CENPN: variants seen among roughly 807,000 people sequenced by gnomAD.
The protein encoded by CENPN is centromere protein N.
CENPN carries 36 observed loss-of-function variants against 48.6 expected under a neutral mutation model. The ratio of observed to expected loss-of-function variants is 0.74; its 90% confidence interval spans 0.57 to 0.98. The LOEUF (loss-of-function observed/expected upper bound fraction) is 0.98. Ranked by LOEUF, CENPN falls within the 50% of genes least tolerant of loss-of-function variation. CENPN has a pLI of 0.00. For synonymous variants in CENPN, 166 were observed against 135.2 expected (o/e 1.23, Z -1.58); for missense variants, 439 against 399.2 (o/e 1.10, Z -0.85).
In CENPN at chr16:81,030,487, G is replaced by A. The variant is rs888586840; in HGVS notation, c.*1836G>A. The A allele has an allele frequency of 3.9e-5, 31 of 799,662 alleles. No homozygotes were observed. Among genetic ancestry groups the A allele is most frequent in the African/African-American group, 1.3e-4 (7 of 53,392 alleles). The allele number at this position is 799,662 out of a possible 1,614,324, so 49.5% of individuals were successfully genotyped here. ...CTCTGGGCCGGGTGTAGTGGCTCACGCCTGTAATCCTAGCACTTTGGGAAG... is the reference window on the plus strand; with the variant it reads ...CTCTGGGCCGGGTGTAGTGGCTCACACCTGTAATCCTAGCACTTTGGGAAG... On this transcript the variant is annotated 3_prime_UTR_variant, in exon 11 of 11. Transcript: ENST00000305850.
intron 1 of CENPN, among the ~76,000 whole-genome samples, chr16:81,008,322 G>T (rs1194323122): frequency 6.6e-6 from 1 of 152,042 alleles, no homozygotes; most frequent in African/African-American, 2.4e-5. Flanking sequence ...AATTTGATAG[G>T]GCCCAGGAAT....
chr16:81,027,108 A>C (rs1415750514), intron 9 of CENPN, among the ~76,000 whole-genome samples: 1 of 151,904 alleles, frequency 6.6e-6, no homozygotes, highest in East Asian at 1.9e-4. Context: ...ATAAGTTGAT[A>C]ATTATTTTAC....
intron 5 of CENPN, among the ~76,000 whole-genome samples, chr16:81,018,791 A>C (rs1396168934): frequency 6.6e-6 from 1 of 152,200 alleles, no homozygotes; most frequent in African/African-American, 2.4e-5. Context: ...AAGCTGCTAA[A>C]GAATGAGCAG....
chr16:81,024,738 G>A lies in CENPN; in HGVS notation c.657G>A (p.Thr219=), dbSNP rs375403718. 4.9e-5 allele frequency: 79 copies of A among 1,609,704 alleles called. No individual in the cohort carries two copies. Among genetic ancestry groups the A allele is most frequent in the South Asian group, 1.4e-4 (13 of 90,482 alleles). ...AGACCTTTGAAACTCACAACTCTACGACACCTCTACAGGAAAGAAGCCTTG... is the reference window on the plus strand; with the variant it reads ...AGACCTTTGAAACTCACAACTCTACAACACCTCTACAGGAAAGAAGCCTTG... ...YNQTFETHNS[T]TPLQERSLGL... is the part of the protein sequence containing the mutation. The change falls in exon 8 of 11, where the codon ACG becomes ACA. Residue 219 remains threonine (T), a synonymous_variant. Coordinates refer to ENST00000305850, the MANE Select transcript of CENPN (RefSeq NM_001100624.3).
At chr16:81,028,021 A>G in intron 9 of CENPN, 150 bp from the exon 10 acceptor site, 4 of 701,898 alleles carry the variant, frequency 5.7e-6, no homozygotes, top group Non-Finnish European at 9.5e-6. Flanking sequence ...CTATGTTTGC[A>G]GTTAGCAGAT....
chr16:81,011,913 T>G lies in CENPN; in HGVS notation c.-10-17T>G, dbSNP rs2151676785. The G allele has an allele frequency of 6.2e-7, 1 of 1,604,788 alleles. No homozygotes were observed. The highest frequency in any genetic ancestry group is 2.2e-5 in the East Asian group (1 of 44,756). On this transcript the variant is annotated splice_polypyrimidine_tract_variant and intron_variant, in intron 1 of 10. Transcript: ENST00000305850. ...ATTTGGTTAATACTTTGTTGTGCTG[T>G]TTTTGTTTTGTAAAAGTGCCAAAGA...
At chr16:81,007,789 A>G (rs1030223451) in intron 1 of CENPN, among the ~76,000 whole-genome samples, 1 of 152,318 alleles carries the variant, frequency 6.6e-6, no homozygotes, top group Admixed American at 6.5e-5. Flanking sequence ...GTCAGACACT[A>G]AAACGCTAGG....
rs1951734827 is a variant in CENPN, at chr16:81,028,989, G to GACT, written c.*338_*339insACT. On this transcript the variant is annotated 3_prime_UTR_variant, in exon 11 of 11. Transcript: ENST00000305850. ...TTGGGTTTGTGTCCTTTTTTCTATGGCTGTCTCTTCTCAATTCTGGAGAGG... is the reference window on the plus strand; with the variant it reads ...TTGGGTTTGTGTCCTTTTTTCTATGGACTCTGTCTCTTCTCAATTCTGGAGAGG... The GACT allele has an allele frequency of 1.0e-6, 1 of 1,004,390 alleles. No homozygotes were observed. The highest frequency in any genetic ancestry group is 1.2e-6 in the Non-Finnish European group (1 of 843,070). The allele number at this position is 1,004,390 out of a possible 1,614,324, so 62.2% of individuals were successfully genotyped here.
chr16:81,017,910 GTT>G, intron 5 of CENPN, 76 bp downstream of exon 5: 2 of 812,524 alleles, frequency 2.5e-6, no homozygotes, highest in Non-Finnish European at 3.9e-6. Context: ...TACTATCATA[GTT>G]TTTTTTTAAT....
chr16:81,028,914 G>T lies in CENPN; in HGVS notation c.*263G>T. The T allele has an allele frequency of 8.9e-7, 1 of 1,129,020 alleles. No individual in the cohort carries two copies. The highest frequency in any genetic ancestry group is 1.1e-6 in the Non-Finnish European group (1 of 923,024). 69.9% of individuals were successfully genotyped at this position (1,129,020 alleles called of 1,614,324 possible). ...TATATATGGCCCCACACTTGACCTT[G>T]AGTGCCTGAATGCTCTGAAATCAAG... On this transcript the variant is annotated 3_prime_UTR_variant, in exon 11 of 11. Transcript: ENST00000305850.
intron 3 of CENPN, among the ~76,000 whole-genome samples, chr16:81,015,291 G>A (rs1442817537): frequency 1.3e-5 from 2 of 152,148 alleles, no homozygotes; most frequent in African/African-American, 4.8e-5. Context: ...ACAGGCCCTG[G>A]GGCCAGACCT....
At position 81,014,278 on chromosome 16, in the gene CENPN, A is replaced by G; in HGVS notation, c.217+97A>G. 4 of 1,006,994 alleles carry G rather than the reference A, an allele frequency of 4.0e-6. No individual in the cohort carries two copies. In the South Asian group the frequency reaches 5.2e-5, roughly 13 times the overall value. The allele number at this position is 1,006,994 out of a possible 1,614,324, so 62.4% of individuals were successfully genotyped here. On this transcript the variant is annotated intron_variant, in intron 3 of 10. Transcript: ENST00000305850. Reference sequence around the variant, plus strand: ...GAGACAGGGTCTCCCTCTGTCGCCCAGGCTGGAGTGCAGTAACGCCATCTC... The same window carrying G: ...GAGACAGGGTCTCCCTCTGTCGCCCGGGCTGGAGTGCAGTAACGCCATCTC...
downstream of CENPN, chr16:81,032,607 T>C: frequency 6.2e-7 from 1 of 1,613,700 alleles, no homozygotes; most frequent in Non-Finnish European, 8.5e-7. Flanking sequence ...TCTGCTATTC[T>C]GGAAGCCACA....
chr16:81,032,550 C>CAG (rs1567559987), downstream of CENPN: 2 of 1,545,730 alleles, frequency 1.3e-6, no homozygotes, highest in African/African-American at 2.8e-5. Context: ...AGTTGATTTT[C>CAG]AGTGTTTTTT....
intron 3 of CENPN, among the ~76,000 whole-genome samples, chr16:81,015,459 A>G (rs887665138): frequency 6.6e-6 from 1 of 152,272 alleles, no homozygotes; most frequent in African/African-American, 2.4e-5. Flanking sequence ...ATTAAATAAG[A>G]GTACATGTTA....
At chr16:81,021,970 G>A (rs1272579307) in intron 6 of CENPN, among the ~76,000 whole-genome samples, 1 of 152,078 alleles carries the variant, frequency 6.6e-6, no homozygotes, top group East Asian at 1.9e-4. Context: ...TGTTGCCCAG[G>A]CTGGTCTCAA....
At chr16:81,026,738 C>T (rs189057749) in intron 9 of CENPN, 100 bp downstream of exon 9, 18 of 519,374 alleles carry the variant, frequency 3.5e-5, no homozygotes, top group African/African-American at 3.3e-4. Context: ...GTTCCTTTTT[C>T]ACTTGTCACT....
intron 6 of CENPN, among the ~76,000 whole-genome samples, chr16:81,020,722 C>T (rs1970149518): frequency 6.6e-6 from 1 of 152,124 alleles, no homozygotes; most frequent in South Asian, 2.1e-4. Context: ...GCTTCATACC[C>T]CTTTTCCCTA....
At position 81,028,200 on chromosome 16, in the gene CENPN, TG is replaced by T. The variant is rs1210586085; in HGVS notation, c.843del (p.Ser282AlafsTer13). 3.1e-6 allele frequency: 5 copies of T among 1,612,902 alleles called. No individual in the cohort carries two copies. The African/African-American group carries it at 5.3e-5, about 17-fold the overall frequency. ...LETKFKSGLN[G>X]SILAEREEPL... ...AAACGAAATTCAAAAGTGGTTTAAATGGGAGCATCTTGGCTGAGAGGGAAGA... is the reference window on the plus strand; with the variant it reads ...AAACGAAATTCAAAAGTGGTTTAAATGGAGCATCTTGGCTGAGAGGGAAGA... On this transcript the variant is annotated frameshift_variant, in exon 10 of 11. Coordinates refer to ENST00000305850, the MANE Select transcript of CENPN (RefSeq NM_001100624.3). LOFTEE classifies it high-confidence loss of function.
Sources: gnomAD v4.1 joint callset for allele counts (sites outside exome capture counted in the v4.1 genomes callset) on GRCh38, gnomAD v4.1.1 for gene constraint, MANE v1.5 for transcripts, NCBI Gene and HGNC (gene_info 2026-07-23, HGNC 2026-07-21) for gene names.